CSMD1: variants seen among roughly 807,000 people sequenced by gnomAD.
CSMD1 encodes the protein CUB and sushi domain-containing protein 1.
In CSMD1, 213 loss-of-function variants were observed where a neutral mutation model predicts 417.5. The ratio of observed to expected loss-of-function variants is 0.51; its 90% CI spans 0.46 to 0.57. The LOEUF (loss-of-function observed/expected upper bound fraction) is 0.57, where lower values mean the gene tolerates loss of function less well. Among genes scored for constraint, CSMD1 ranks in the 20% least tolerant of loss-of-function variants. The probability of loss-of-function intolerance (pLI) is 0.00; values close to 1 mark genes in which losing one functional copy is unlikely to be tolerated. For missense variants in CSMD1, 6,923 were observed against 4,529.7 expected (o/e 1.53, Z -15.17); for synonymous variants, 2,862 against 1,736.8 (o/e 1.65, Z -16.11).
chr8:4,100,773 T>C (rs759724449), intron 3 of CSMD1, among the ~76,000 whole-genome samples: 25 of 152,174 alleles, frequency 1.6e-4, no homozygotes, highest in Admixed American at 4.6e-4. Context: ...AAGTCATCGA[T>C]CTTACCTTTA....
At chr8:3,253,607 C>G (rs207468912) in intron 26 of CSMD1, among the ~76,000 whole-genome samples, 2 of 152,160 alleles carry the variant, frequency 1.3e-5, no homozygotes, top group Non-Finnish European at 2.9e-5. Flanking sequence ...TCTCATTGAT[C>G]TGTCTAAAGT....
chr8:3,677,749 G>T lies in CSMD1; in HGVS notation c.1009+30665C>A, dbSNP rs531175911. On this transcript the variant is annotated intron_variant, in intron 7 of 69. Coordinates refer to ENST00000635120, the MANE Select transcript of CSMD1 (RefSeq NM_033225.6). Reference sequence around the variant, plus strand: ...CTTTTGGAAAAAAGCCCTAAACTTTGTAAAACGGAAATGAAAACTTCTATC... The same window carrying T: ...CTTTTGGAAAAAAGCCCTAAACTTTTTAAAACGGAAATGAAAACTTCTATC... Among the ~76,000 whole-genome samples, 212 of 152,244 alleles carry T rather than the reference G, an allele frequency of 1.4e-3. 2 individuals are homozygous for T. The highest frequency in any genetic ancestry group is 4.9e-3 in the African/African-American group (204 of 41,536).
Position 4,505,854 on chromosome 8 carries a change from A to G in CSMD1, c.303-85789T>C, listed in dbSNP as rs186599864. ...CTCACTCTGTCACCCACAATAGAGTACAGTGGCGCGATCTCATCTCCCTAA... is the reference window on the plus strand; with the variant it reads ...CTCACTCTGTCACCCACAATAGAGTGCAGTGGCGCGATCTCATCTCCCTAA... On this transcript the variant is annotated intron_variant, in intron 2 of 69. Coordinates refer to ENST00000635120, the MANE Select transcript of CSMD1 (RefSeq NM_033225.6). Among the ~76,000 whole-genome samples, 504 of 151,870 alleles carry G rather than the reference A, an allele frequency of 3.3e-3. 3 individuals carry two copies. Among genetic ancestry groups the G allele is most frequent in the African/African-American group, 0.011 (463 of 41,406 alleles).
chr8:3,433,022 G>C (rs960403154), intron 12 of CSMD1, among the ~76,000 whole-genome samples: 9 of 152,128 alleles, frequency 5.9e-5, no homozygotes, highest in African/African-American at 1.9e-4. Context: ...GTGCAAACAA[G>C]TCATTGAAAA....
At chr8:4,928,223 G>C (rs1213210735) in intron 1 of CSMD1, among the ~76,000 whole-genome samples, 7 of 152,108 alleles carry the variant, frequency 4.6e-5, no homozygotes, top group African/African-American at 1.7e-4. Flanking sequence ...AGCATGTCTT[G>C]CTCTCTTGCT....
intron 7 of CSMD1, among the ~76,000 whole-genome samples, chr8:3,658,728 A>G (rs1798256916): frequency 6.6e-6 from 1 of 152,156 alleles, no homozygotes; most frequent in African/African-American, 2.4e-5. Flanking sequence ...GGTTGCAGTG[A>G]GCCAAGATCG....
intron 3 of CSMD1, among the ~76,000 whole-genome samples, chr8:4,360,355 C>A (rs536605933): frequency 3.9e-5 from 6 of 152,214 alleles, no homozygotes; most frequent in African/African-American, 9.6e-5. Context: ...GCATGATTAA[C>A]ACATGCCTCT....
At chr8:4,630,539 A>G (rs1802448865) in intron 2 of CSMD1, among the ~76,000 whole-genome samples, 1 of 152,192 alleles carries the variant, frequency 6.6e-6, no homozygotes, top group Admixed American at 6.5e-5. Context: ...GAGCTTACCT[A>G]GGGGTCACTA....
intron 52 of CSMD1, among the ~76,000 whole-genome samples, chr8:3,016,744 G>C (rs1357006196): frequency 6.6e-6 from 1 of 151,840 alleles, no homozygotes; most frequent in Non-Finnish European, 1.5e-5. Flanking sequence ...TATAACCTGG[G>C]CATTTTTCTT....
intron 3 of CSMD1, among the ~76,000 whole-genome samples, chr8:4,052,678 A>G (rs1210425282): frequency 1.3e-5 from 2 of 152,176 alleles, no homozygotes; most frequent in African/African-American, 4.8e-5. Context: ...TCATCCCATA[A>G]TAAGTAAGGT....
chr8:3,619,380 A>T (rs1327758435), intron 7 of CSMD1, among the ~76,000 whole-genome samples: 1 of 150,630 alleles, frequency 6.6e-6, no homozygotes, highest in Admixed American at 6.6e-5. Flanking sequence ...TCAAATGCTT[A>T]TTTTTTTTTA....
chr8:3,262,085 A>G (rs768817648), intron 26 of CSMD1, among the ~76,000 whole-genome samples: 6 of 151,444 alleles, frequency 4.0e-5, no homozygotes, highest in Non-Finnish European at 5.9e-5. Context: ...AACAAGTTCA[A>G]TTAAAAAAGT....
chr8:3,498,317 A>C (rs1796452166), intron 10 of CSMD1, among the ~76,000 whole-genome samples: 1 of 152,240 alleles, frequency 6.6e-6, no homozygotes, highest in Admixed American at 6.5e-5. Flanking sequence ...GTACTTTGAT[A>C]CATGTATACA....
chr8:3,684,513 C>G (rs1038918897), intron 7 of CSMD1, among the ~76,000 whole-genome samples: 19 of 149,168 alleles, frequency 1.3e-4, no homozygotes, highest in African/African-American at 4.7e-4. Flanking sequence ...TATATTTTAT[C>G]TTTTTTACTG....
At chr8:4,130,273 AAACG>A (rs1803017991) in intron 3 of CSMD1, among the ~76,000 whole-genome samples, 2 of 152,192 alleles carry the variant, frequency 1.3e-5, no homozygotes, top group Admixed American at 6.5e-5. Flanking sequence ...ATATTCATGC[AAACG>A]ATTAGTTTAA....
At chr8:3,481,102 G>A (rs1258679540) in intron 11 of CSMD1, among the ~76,000 whole-genome samples, 2 of 136,186 alleles carry the variant, frequency 1.5e-5, no homozygotes, top group African/African-American at 2.8e-5. Context: ...CTTGCAGTGA[G>A]CCCAGATTAG....
intron 17 of CSMD1, among the ~76,000 whole-genome samples, chr8:3,388,038 G>C (rs1482368510): frequency 2.6e-5 from 4 of 152,032 alleles, no homozygotes; most frequent in Admixed American, 6.6e-5. Flanking sequence ...CACTCTCCCT[G>C]TGTCTTATAT....
At chr8:3,811,389 A>G (rs1801065796) in intron 5 of CSMD1, among the ~76,000 whole-genome samples, 1 of 152,130 alleles carries the variant, frequency 6.6e-6, no homozygotes, top group Admixed American at 6.5e-5. Context: ...ACTTGTTCTG[A>G]TCTATAGACC....
chr8:3,569,144 C>G (rs1799840456), intron 10 of CSMD1, among the ~76,000 whole-genome samples: 1 of 152,146 alleles, frequency 6.6e-6, no homozygotes, highest in East Asian at 1.9e-4. Context: ...ATCTGCCTCT[C>G]CACTAAAGGA....
Sources: gnomAD v4.1 joint callset for allele counts (sites outside exome capture counted in the v4.1 genomes callset) on GRCh38, gnomAD v4.1.1 for gene constraint, MANE v1.5 for transcripts, NCBI Gene and HGNC (gene_info 2026-07-23, HGNC 2026-07-21) for gene names.